Variants in NUDT3 observed in about 807,000 individuals in gnomAD.
NUDT3 encodes diphosphoinositol polyphosphate phosphohydrolase 1.
Under a neutral mutation model 23.6 loss-of-function variants are expected in NUDT3, and 9 were observed. That is an observed-to-expected ratio of 0.38 (90% CI 0.23 to 0.66). The LOEUF (loss-of-function observed/expected upper bound fraction) is 0.66, where lower values mean the gene tolerates loss of function less well. NUDT3 is among the 30% of genes least tolerant of loss of function. The pLI is 0.52. For synonymous variants in NUDT3, 86 were observed against 82.6 expected, an observed-to-expected ratio of 1.04 and a Z score of -0.22; for missense variants, 172 against 218.5, an observed-to-expected ratio of 0.79 and a Z score of 1.34.
chr6:34,310,482 T>C (rs942203040), intron 2 of NUDT3, among the ~76,000 whole-genome samples: 1 of 152,012 alleles, frequency 6.6e-6, no homozygotes, highest in Non-Finnish European at 1.5e-5. Flanking sequence ...TGAGCTGAGA[T>C]CATGCCACTG....
chr6:34,383,015 T>C (rs1391153580), intron 1 of NUDT3, among the ~76,000 whole-genome samples: 1 of 150,964 alleles, frequency 6.6e-6, no homozygotes, highest in Non-Finnish European at 1.5e-5. Context: ...TAATCCCAGC[T>C]ACTCGGGAGG....
At chr6:34,323,943 T>C (rs1763984254) in intron 2 of NUDT3, among the ~76,000 whole-genome samples, 1 of 152,234 alleles carries the variant, frequency 6.6e-6, no homozygotes, top group South Asian at 2.1e-4. Context: ...ACACGTATTA[T>C]TTTTATGAAC....
intron 2 of NUDT3, among the ~76,000 whole-genome samples, chr6:34,317,792 C>T (rs1170786227): frequency 6.6e-6 from 1 of 152,124 alleles, no homozygotes; most frequent in Admixed American, 6.5e-5. Flanking sequence ...GAGCAATATT[C>T]TCTAGCTCTC....
Position 34,285,929 on chromosome 6 carries a change from C to G in NUDT3, c.*2824G>C, listed in dbSNP as rs183514048. 13 of 152,342 alleles carry G rather than the reference C, an allele frequency of 8.5e-5. No homozygotes were observed. The highest frequency in any genetic ancestry group is 7.2e-4 in the Admixed American group (11 of 15,304). The allele number at this position is 152,342 out of a possible 1,614,324, so 9.4% of individuals were successfully genotyped here. Reference sequence around the variant, plus strand: ...AATCCATTCATGTCACTGAAAAATACTTCTTGGCACAGTTCACTTTCCTGA... The same window carrying G: ...AATCCATTCATGTCACTGAAAAATAGTTCTTGGCACAGTTCACTTTCCTGA... On this transcript the variant is annotated 3_prime_UTR_variant, in exon 5 of 5. Coordinates refer to ENST00000607016, the MANE Select transcript of NUDT3 (RefSeq NM_006703.4).
At chr6:34,340,848 T>A (rs1348377319) in intron 2 of NUDT3, among the ~76,000 whole-genome samples, 1 of 152,298 alleles carries the variant, frequency 6.6e-6, no homozygotes, top group African/African-American at 2.4e-5. Context: ...GGGTATAAGA[T>A]AGATGCTACA....
At position 34,280,088 on chromosome 6, in the gene NUDT3, C is replaced by G. The variant is rs1400008876; in HGVS notation, c.*8665G>C. On this transcript the variant is annotated 3_prime_UTR_variant, in exon 5 of 5. Coordinates refer to ENST00000607016, the MANE Select transcript of NUDT3 (RefSeq NM_006703.4). ...TTCTCAGCCCTCCTCCACAGCCTGA[C>G]TGTACTGCCAGCCGCACCCATGAGA... 6.6e-6 allele frequency: 1 copy of G among 152,306 alleles called. No homozygotes were observed. Among genetic ancestry groups the G allele is most frequent in the Non-Finnish European group, 1.5e-5 (1 of 68,106 alleles). The allele number at this position is 152,306 out of a possible 1,614,324, so 9.4% of individuals were successfully genotyped here. A position where few individuals can be genotyped will look rare whatever the true frequency, so the allele number is the denominator to read the frequency against.
rs1763307085 is a variant in NUDT3 at position 34,283,894 on chromosome 6, A to C, written c.*4859T>G. The C allele has an allele frequency of 6.6e-6, 1 of 152,210 alleles. No homozygotes were observed. Among genetic ancestry groups the C allele is most frequent in the Non-Finnish European group, 1.5e-5 (1 of 68,032 alleles). 9.4% of individuals were successfully genotyped at this position (152,210 alleles called of 1,614,324 possible). A position where few individuals can be genotyped will look rare whatever the true frequency, so the allele number is the denominator to read the frequency against. ...TTAGGTGATATCCCAAGTGACACAG[A>C]AACACAGCTCCTCCGGATGGTGAAG... On this transcript the variant is annotated 3_prime_UTR_variant, in exon 5 of 5. Transcript: ENST00000607016.
intron 2 of NUDT3, among the ~76,000 whole-genome samples, chr6:34,323,645 AAAG>A (rs1475365266): frequency 4.6e-5 from 7 of 152,234 alleles, no homozygotes; most frequent in African/African-American, 1.7e-4. Flanking sequence ...GAGAAAAGGA[AAAG>A]AAATACATGC....
intron 2 of NUDT3, among the ~76,000 whole-genome samples, chr6:34,301,012 C>T (rs1763589930): frequency 6.6e-6 from 1 of 152,210 alleles, no homozygotes; most frequent in African/African-American, 2.4e-5. Context: ...ATTTTACCTT[C>T]TATAACTTTT....
In NUDT3 at chr6:34,302,658, GGAGGCGGAGATTGCAGT is replaced by G. The variant is rs570871506; in HGVS notation, c.211-6990_211-6974del. Among the ~76,000 whole-genome samples, 133 of 152,256 alleles carry G rather than the reference GGAGGCGGAGATTGCAGT, an allele frequency of 8.7e-4. No homozygotes were observed. The East Asian group carries it at 0.011, about 12-fold the overall frequency. ...GAGGCAGGAGAATTGCTTGAACCTG[GGAGGCGGAGATTGCAGT>G]GAGCCAAGATTGCGCCACTGCACTC... On this transcript the variant is annotated intron_variant, in intron 2 of 4. Transcript: ENST00000607016.
Position 34,280,951 on chromosome 6 carries a change from A to G in NUDT3, c.*7802T>C, listed in dbSNP as rs1763272798. 6.6e-6 allele frequency: 1 copy of G among 152,198 alleles called. No individual in the cohort carries two copies. The highest frequency in any genetic ancestry group is 1.5e-5 in the Non-Finnish European group (1 of 68,030). The allele number at this position is 152,198 out of a possible 1,614,324, so 9.4% of individuals were successfully genotyped here. The stretch of plus-strand genomic sequence containing the variant: ...GACAAGAAATACTTTTGTCCTCTAG[A>G]AAAACTTAACTCAATACATCTTGGC... On this transcript the variant is annotated 3_prime_UTR_variant, in exon 5 of 5. Transcript: ENST00000607016.
At chr6:34,366,949 G>C (rs1764745187) in intron 1 of NUDT3, among the ~76,000 whole-genome samples, 1 of 152,100 alleles carries the variant, frequency 6.6e-6, no homozygotes, top group African/African-American at 2.4e-5. Flanking sequence ...CTGGAGTCCA[G>C]TGGCACAATC....
intron 1 of NUDT3, among the ~76,000 whole-genome samples, chr6:34,359,865 T>C (rs1764619990): frequency 6.6e-6 from 1 of 152,176 alleles, no homozygotes; most frequent in Admixed American, 6.5e-5. Context: ...AGCTGAGCCA[T>C]TCTGCATTCC....
chr6:34,348,360 C>T (rs1426960171), intron 1 of NUDT3, among the ~76,000 whole-genome samples: 3 of 151,462 alleles, frequency 2.0e-5, no homozygotes, highest in African/African-American at 4.9e-5. Context: ...TGCATATTTA[C>T]AGTTCCAGCT....
At position 34,341,878 on chromosome 6, in the gene NUDT3, C is replaced by T. The variant is rs1336809587; in HGVS notation, c.194G>A (p.Arg65His). 2 of 1,613,902 alleles carry T rather than the reference C, an allele frequency of 1.2e-6. No individual in the cohort carries two copies. The highest frequency in any genetic ancestry group is 1.7e-6 in the Non-Finnish European group (2 of 1,179,818). Reference sequence around the variant, plus strand: ...CATGCATACCTCCTCACAGACTTCACGAACTGCTGCCACACTTGGCTCCTC... The same window carrying T: ...CATGCATACCTCCTCACAGACTTCATGAACTGCTGCCACACTTGGCTCCTC... The part of the protein sequence containing the change: ...PEEEPSVAAV[R>H]EVCEEAGVKG... The change falls in exon 2 of 5, where the codon CGT becomes CAT. Residue 65 changes from arginine to histidine, a missense_variant. Transcript: ENST00000607016.
chr6:34,383,042 G>A (rs141725532), intron 1 of NUDT3, among the ~76,000 whole-genome samples: 4 of 150,232 alleles, frequency 2.7e-5, no homozygotes, highest in African/African-American at 7.4e-5. Context: ...CAGGAGAATC[G>A]TTTGAACCTG....
At chr6:34,323,655 A>G (rs1763979797) in intron 2 of NUDT3, among the ~76,000 whole-genome samples, 2 of 152,236 alleles carry the variant, frequency 1.3e-5, no homozygotes, top group African/African-American at 4.8e-5. Context: ...AAAGAAATAC[A>G]TGCTAAAGAA....
chr6:34,315,040 G>C (rs1226193605), intron 2 of NUDT3, among the ~76,000 whole-genome samples: 2 of 152,106 alleles, frequency 1.3e-5, no homozygotes, highest in Non-Finnish European at 2.9e-5. Context: ...CTTCTGCAGG[G>C]GAGATAAGTT....
intron 1 of NUDT3, among the ~76,000 whole-genome samples, chr6:34,357,080 T>C (rs1764573096): frequency 1.3e-5 from 2 of 151,970 alleles, no homozygotes; most frequent in African/African-American, 4.8e-5. Context: ...CCCGGCCAAA[T>C]TGTGGTTATT....
Sources: allele counts gnomAD v4.1 joint callset (sites outside exome capture counted in the v4.1 genomes callset), GRCh38; gene constraint gnomAD v4.1.1; transcripts MANE v1.5; gene names NCBI Gene and HGNC (gene_info 2026-07-23, HGNC 2026-07-21).